Variants in HSP90AA1 observed in about 807,000 individuals in gnomAD.
HSP90AA1 encodes the protein heat shock protein 90 alpha family class A member 1.
Under a neutral mutation model 73.3 loss-of-function variants are expected in HSP90AA1, and 18 were observed. The observed-to-expected ratio is 0.25, with a 90% CI of 0.17 to 0.36. The LOEUF is 0.36. HSP90AA1 is among the 10% of genes least tolerant of loss of function. HSP90AA1 has a pLI of 1.00. For synonymous variants in HSP90AA1, 477 were observed against 296.9 expected (o/e 1.61, Z -6.24); for missense variants, 704 against 874.2 (o/e 0.81, Z 2.45).
At chr14:102,106,279 G>C (rs1347475673) in intron 1 of HSP90AA1, among the ~76,000 whole-genome samples, 7 of 152,074 alleles carry the variant, frequency 4.6e-5, no homozygotes, top group African/African-American at 1.7e-4. Flanking sequence ...TTTACTCCTG[G>C]AAGTTTTTCA....
chr14:102,137,086 C>T (rs866519182), intron 1 of HSP90AA1, among the ~76,000 whole-genome samples: 6 of 151,282 alleles, frequency 4.0e-5, no homozygotes, highest in Non-Finnish European at 8.8e-5. Context: ...TGGTGGCATG[C>T]GCCTGTAATC....
chr14:102,099,080 C>G (rs1185229782), intron 2 of HSP90AA1, among the ~76,000 whole-genome samples: 1 of 152,138 alleles, frequency 6.6e-6, no homozygotes, highest in African/African-American at 2.4e-5. Context: ...GTCCCAGTCC[C>G]AATTAATAAG....
rs776983743 is a variant in HSP90AA1, at chr14:102,083,743, A to C, written c.1338+50T>G. 42 of 1,595,612 alleles carry C rather than the reference A, an allele frequency of 2.6e-5. No individual in the cohort carries two copies. The Admixed American group carries it at 6.3e-4, about 24-fold the overall frequency. On this transcript the variant is annotated intron_variant, in intron 7 of 10. Transcript: ENST00000216281. ...AAGACTTTCTGAATTAAAAAAAAAA[A>C]AAAAAAACTAAAGAGGCCAATTGGA...
At chr14:102,090,450 ATTTC>A (rs1441585340), upstream of HSP90AA1, among the ~76,000 whole-genome samples, 2 of 132,294 alleles carry the variant, frequency 1.5e-5, no homozygotes, top group African/African-American at 2.6e-5. Context: ...TCAACAACAT[ATTTC>A]TTTTTTTTTT....
At chr14:102,120,227 C>T (rs904709541) in intron 1 of HSP90AA1, among the ~76,000 whole-genome samples, 5 of 151,978 alleles carry the variant, frequency 3.3e-5, no homozygotes, top group Non-Finnish European at 5.9e-5. Flanking sequence ...GGCATGGTGG[C>T]ATGTGCCTGT....
chr14:102,089,727 G>C (rs1228548537), upstream of HSP90AA1, among the ~76,000 whole-genome samples: 1 of 152,080 alleles, frequency 6.6e-6, no homozygotes, highest in Non-Finnish European at 1.5e-5. Context: ...TTGAGGGCTC[G>C]TTAGCCAGGT....
At chr14:102,139,105 T>C in intron 1 of HSP90AA1, 1 of 1,019,442 alleles carries the variant, frequency 9.8e-7, no homozygotes, top group Admixed American at 2.0e-5. Context: ...AAACCTCCGC[T>C]AAGAAGCGGA....
chr14:102,087,186 C>T, upstream of HSP90AA1: 1 of 981,898 alleles, frequency 1.0e-6, no homozygotes, highest in Non-Finnish European at 1.2e-6. Flanking sequence ...GCCGTTGCCG[C>T]GGCACCCCGC....
At chr14:102,101,867 C>G (rs1296697284) in intron 2 of HSP90AA1, 1 of 1,608,366 alleles carries the variant, frequency 6.2e-7, no homozygotes, top group Non-Finnish European at 8.5e-7. Context: ...AAACCTTAGT[C>G]CACTTACCAG....
At chr14:102,111,629 C>T (rs927400979) in intron 1 of HSP90AA1, among the ~76,000 whole-genome samples, 1 of 152,190 alleles carries the variant, frequency 6.6e-6, no homozygotes, top group Non-Finnish European at 1.5e-5. Flanking sequence ...CCTGCATGTC[C>T]CACAATATCT....
At chr14:102,090,631 T>G (rs1485708821), upstream of HSP90AA1, among the ~76,000 whole-genome samples, 1 of 152,110 alleles carries the variant, frequency 6.6e-6, no homozygotes, top group East Asian at 1.9e-4. Context: ...TTGTATTCTT[T>G]AAGTAGAGAG....
chr14:102,091,299 G>C (rs187107179), upstream of HSP90AA1, among the ~76,000 whole-genome samples: 28 of 152,174 alleles, frequency 1.8e-4, 1 homozygote, highest in Admixed American at 1.5e-3. Flanking sequence ...GTTACACCCA[G>C]GTCTGGCTCA....
At chr14:102,089,726 C>A (rs1383395671), upstream of HSP90AA1, among the ~76,000 whole-genome samples, 2 of 152,138 alleles carry the variant, frequency 1.3e-5, no homozygotes, top group Non-Finnish European at 2.9e-5. Context: ...TTTGAGGGCT[C>A]GTTAGCCAGG....
intron 1 of HSP90AA1, among the ~76,000 whole-genome samples, chr14:102,107,570 G>A (rs2049585374): frequency 6.6e-6 from 1 of 151,980 alleles, no homozygotes; most frequent in South Asian, 2.1e-4. Context: ...TGATCCACCT[G>A]CCTTGGCCTC....
rs1412557665 is a variant in HSP90AA1 at position 102,081,923 on chromosome 14, CAT to C, written c.2090-104_2090-103del. On this transcript the variant is annotated intron_variant, in intron 10 of 10. Transcript: ENST00000216281. The stretch of plus-strand genomic sequence containing the variant: ...CTGCTTTCAAGACAGTATTACAGGA[CAT>C]ATGAGTCTCAATTTCATTTCTTTGC... 32 of 792,804 alleles carry C rather than the reference CAT, an allele frequency of 4.0e-5. No individual in the cohort carries two copies. In the East Asian group the frequency reaches 4.4e-4, roughly 11 times the overall value. The allele number at this position is 792,804 out of a possible 1,614,324, so 49.1% of individuals were successfully genotyped here.
chr14:102,107,487 G>C (rs2049584105), intron 1 of HSP90AA1, among the ~76,000 whole-genome samples: 1 of 151,936 alleles, frequency 6.6e-6, no homozygotes, highest in South Asian at 2.1e-4. Flanking sequence ...ACCATGCCTA[G>C]CTAATTTTTG....
intron 1 of HSP90AA1, among the ~76,000 whole-genome samples, chr14:102,133,240 A>T (rs1187930679): frequency 2.6e-5 from 4 of 152,216 alleles, no homozygotes; most frequent in Admixed American, 1.3e-4. Flanking sequence ...AGATCATGCC[A>T]TTGCACTCCA....
chr14:102,082,861 C>A, intron 9 of HSP90AA1, 173 bp downstream of exon 9: 1 of 694,174 alleles, frequency 1.4e-6, no homozygotes. Flanking sequence ...ACCTTGTGAT[C>A]CGCTGCCTCA....
intron 1 of HSP90AA1, among the ~76,000 whole-genome samples, chr14:102,130,307 C>T (rs959641012): frequency 1.3e-5 from 2 of 152,078 alleles, no homozygotes; most frequent in Non-Finnish European, 2.9e-5. Flanking sequence ...TATATACATA[C>T]GATTGGAATT....
Sources: gnomAD v4.1 joint callset for allele counts (sites outside exome capture counted in the v4.1 genomes callset) on GRCh38, gnomAD v4.1.1 for gene constraint, MANE v1.5 for transcripts, NCBI Gene and HGNC (gene_info 2026-07-23, HGNC 2026-07-21) for gene names.